The following CLVS1 variants were observed in gnomAD, a reference collection of about 807,000 sequenced individuals.
CLVS1 encodes clavesin-1.
In CLVS1, 10 loss-of-function variants were observed where a neutral mutation model predicts 33.1. That is an observed-to-expected ratio of 0.30 (90% CI 0.19 to 0.51). The LOEUF is 0.51. Ranked by LOEUF, CLVS1 falls within the 20% of genes least tolerant of loss-of-function variation. The pLI, the probability that CLVS1 is intolerant of heterozygous loss-of-function variation, is 0.97. For synonymous variants in CLVS1, 163 were observed against 166.1 expected, an observed-to-expected ratio of 0.98 and a Z score of 0.14; for missense variants, 343 against 433.4, an observed-to-expected ratio of 0.79 and a Z score of 1.85.
chr8:61,499,265 T>G (rs563508959), intron 5 of CLVS1, among the ~76,000 whole-genome samples, 190 bp from the exon 6 acceptor site: 9 of 152,236 alleles, frequency 5.9e-5, no homozygotes, highest in African/African-American at 2.2e-4. Flanking sequence ...AGCCTCAAAC[T>G]CCTGGACTCA....
intron 3 of CLVS1, among the ~76,000 whole-genome samples, chr8:61,405,846 T>C (rs1292108169): frequency 6.6e-6 from 1 of 152,082 alleles, no homozygotes; most frequent in Non-Finnish European, 1.5e-5. Flanking sequence ...TCAATATCAT[T>C]ATGAAGATAG....
At chr8:61,186,951 A>T (rs1429000851) in intron 2 of CLVS1, among the ~76,000 whole-genome samples, 4 of 152,212 alleles carry the variant, frequency 2.6e-5, no homozygotes, top group African/African-American at 9.6e-5. Context: ...AAAGGTGGGT[A>T]GGTCTGAGAG....
chr8:61,097,774 C>T (rs1474334875), intron 1 of CLVS1, among the ~76,000 whole-genome samples: 1 of 152,140 alleles, frequency 6.6e-6, no homozygotes, highest in Non-Finnish European at 1.5e-5. Context: ...AACGACTATG[C>T]TTTACCACCC....
the CLVS1 span, among the ~76,000 whole-genome samples, chr8:61,033,070 AG>A: frequency 3.7e-5 from 4 of 107,884 alleles, no homozygotes; most frequent in Admixed American, 3.6e-4. Context: ...ATAGAAAGAA[AG>A]AAGGAAGGAA....
chr8:61,044,600 G>A, the CLVS1 span, among the ~76,000 whole-genome samples: 1,003 of 152,306 alleles, frequency 6.6e-3, 9 homozygotes, highest in South Asian at 0.027. Context: ...TATGAGACCA[G>A]TTGAAGGAGG....
intron 5 of CLVS1, among the ~76,000 whole-genome samples, chr8:61,488,909 G>A (rs2129608519): frequency 6.6e-6 from 1 of 152,262 alleles, no homozygotes; most frequent in South Asian, 2.1e-4. Context: ...TCTTCTGGCA[G>A]CTGAACTGTG....
intron 2 of CLVS1, among the ~76,000 whole-genome samples, chr8:61,187,479 C>T (rs1405605598): frequency 6.6e-6 from 1 of 152,040 alleles, no homozygotes; most frequent in East Asian, 1.9e-4. Flanking sequence ...AGGAAAAAGG[C>T]AACTATTCTA....
At chr8:61,223,430 C>T (rs1451473788) in intron 2 of CLVS1, among the ~76,000 whole-genome samples, 2 of 152,160 alleles carry the variant, frequency 1.3e-5, no homozygotes, top group African/African-American at 4.8e-5. Flanking sequence ...TTCCCCTTCA[C>T]TTATGAAGCC....
intron 1 of CLVS1, chr8:61,131,660 T>G (rs184951935): frequency 6.6e-6 from 1 of 150,972 alleles, no homozygotes; most frequent in African/African-American, 2.4e-5. Flanking sequence ...AACTTCCTTT[T>G]CTAGGGGCCA....
chr8:61,383,956 T>G (rs924049204), intron 3 of CLVS1, among the ~76,000 whole-genome samples: 2 of 152,174 alleles, frequency 1.3e-5, no homozygotes, highest in African/African-American at 4.8e-5. Context: ...AGAAATGATT[T>G]CTTTAAAATA....
At chr8:61,401,585 ATGCTC>A (rs1312713222) in intron 3 of CLVS1, among the ~76,000 whole-genome samples, 34 of 152,340 alleles carry the variant, frequency 2.2e-4, no homozygotes, top group African/African-American at 8.2e-4. Flanking sequence ...AAAATGTTCC[ATGCTC>A]ATGGATAGGA....
the CLVS1 span, among the ~76,000 whole-genome samples, chr8:61,033,161 A>AAGAAAGAAAAAGAAAG: frequency 3.3e-5 from 3 of 92,130 alleles, no homozygotes; most frequent in Admixed American, 1.0e-4. Flanking sequence ...GAAAGAAAGA[A>AAGAAAGAAAAAGAAAG]AAAGAAAGAA....
intron 3 of CLVS1, among the ~76,000 whole-genome samples, chr8:61,393,402 G>A (rs1041963006): frequency 6.6e-6 from 1 of 152,060 alleles, no homozygotes; most frequent in South Asian, 2.1e-4. Flanking sequence ...TCTTTATCTG[G>A]CGATTAAGAG....
Position 61,211,901 on chromosome 8 carries a change from G to A in CLVS1, c.-152+80041G>A, listed in dbSNP as rs942766557. 8.1e-4 allele frequency among the ~76,000 whole-genome samples: 123 copies of A among 152,266 alleles called. 2 individuals are homozygous for A. Among genetic ancestry groups the A allele is most frequent in the Non-Finnish European group, 2.9e-4 (20 of 68,010 alleles). The stretch of plus-strand genomic sequence containing the variant: ...TCAGAGGGAGATGCAGAGCCTCTGC[G>A]GCTGGCTTTGAAAGGGAAGGAAGGG... On this transcript the variant is annotated intron_variant, in intron 2 of 2. Coordinates refer to the CLVS1 transcript ENST00000522621.
chr8:61,172,327 T>G (rs957465436), intron 2 of CLVS1, among the ~76,000 whole-genome samples: 1 of 152,134 alleles, frequency 6.6e-6, no homozygotes, highest in African/African-American at 2.4e-5. Context: ...GTCCTTAGTT[T>G]GGTGTTGAAT....
rs73257386 is a variant in CLVS1, at chr8:61,431,492, C to T, written c.631-22649C>T. Among the ~76,000 whole-genome samples the T allele has an allele frequency of 6.4e-3, 968 of 152,266 alleles. 4 individuals carry two copies. The highest frequency in any genetic ancestry group is 0.022 in the African/African-American group (922 of 41,552). On this transcript the variant is annotated intron_variant, in intron 3 of 5. Coordinates refer to ENST00000325897, the MANE Select transcript of CLVS1 (RefSeq NM_173519.3). ...TAGTCTCTTCTTTCTTCAATCATGG[C>T]GGCATGGCTGACTGACCACATAGCT...
intron 2 of CLVS1, among the ~76,000 whole-genome samples, chr8:61,279,610 G>A (rs1809629430): frequency 1.5e-5 from 2 of 130,306 alleles, no homozygotes. Flanking sequence ...CCCCTCTGAT[G>A]CCCTATTAAG....
intron 2 of CLVS1, among the ~76,000 whole-genome samples, chr8:61,193,084 G>A (rs1436074980): frequency 1.3e-5 from 2 of 152,060 alleles, no homozygotes; most frequent in South Asian, 2.1e-4. Context: ...TGTTTACTGC[G>A]GCACTATTCA....
chr8:61,367,521 C>T (rs1813261873), intron 2 of CLVS1, among the ~76,000 whole-genome samples: 1 of 152,168 alleles, frequency 6.6e-6, no homozygotes, highest in African/African-American at 2.4e-5. Context: ...CTTGTAATTC[C>T]CAAGCACTTT....
Sources: gnomAD v4.1 joint callset for allele counts (sites outside exome capture counted in the v4.1 genomes callset) on GRCh38, gnomAD v4.1.1 for gene constraint, MANE v1.5 for transcripts, NCBI Gene and HGNC (gene_info 2026-07-23, HGNC 2026-07-21) for gene names.